CFAP20DC: variants seen among roughly 807,000 people sequenced by gnomAD.
CFAP20DC encodes the protein protein CFAP20DC.
CFAP20DC carries 84 observed loss-of-function variants against 101.7 expected under a neutral mutation model. That is an observed-to-expected ratio of 0.83 (90% CI 0.69 to 0.99). The LOEUF (loss-of-function observed/expected upper bound fraction) is 0.99, where lower values mean the gene tolerates loss of function less well. CFAP20DC is among the 50% of genes least tolerant of loss of function. CFAP20DC has a pLI of 0.00. For missense variants in CFAP20DC, 1,007 were observed against 970.3 expected (o/e 1.04, Z -0.50); for synonymous variants, 359 against 351.2 (o/e 1.02, Z -0.25).
chr3:58,900,921 G>T (rs972553382), intron 6 of CFAP20DC, among the ~76,000 whole-genome samples: 2 of 152,206 alleles, frequency 1.3e-5, no homozygotes, highest in Non-Finnish European at 2.9e-5. Flanking sequence ...TAACACATAT[G>T]TAAAGCACTT....
chr3:58,845,308 C>T (rs1313495046), intron 13 of CFAP20DC, among the ~76,000 whole-genome samples: 1 of 151,514 alleles, frequency 6.6e-6, no homozygotes, highest in Admixed American at 6.6e-5. Flanking sequence ...CAAATAGATG[C>T]AATAAAAAAT....
intron 4 of CFAP20DC, among the ~76,000 whole-genome samples, chr3:58,989,127 A>C (rs568528011): frequency 1.3e-5 from 2 of 152,232 alleles, no homozygotes; most frequent in East Asian, 3.9e-4. Context: ...ATCAATCAAA[A>C]TCCGAAATTT....
chr3:58,940,673 T>C (rs911101249), intron 4 of CFAP20DC, among the ~76,000 whole-genome samples: 1 of 152,256 alleles, frequency 6.6e-6, no homozygotes, highest in Admixed American at 6.5e-5. Flanking sequence ...AATAATACAC[T>C]ATCTTGATTA....
intron 15 of CFAP20DC, among the ~76,000 whole-genome samples, chr3:58,760,318 T>C (rs1265114700): frequency 6.6e-6 from 1 of 152,222 alleles, no homozygotes; most frequent in African/African-American, 2.4e-5. Context: ...AGTTCACTCA[T>C]GATTTTGCTC....
intron 16 of CFAP20DC, among the ~76,000 whole-genome samples, chr3:58,749,531 A>G (rs1465997995): frequency 1.3e-5 from 2 of 152,228 alleles, no homozygotes; most frequent in Admixed American, 1.3e-4. Context: ...CTACCCATTT[A>G]TATCTCATGG....
At chr3:58,802,430 T>C (rs1286104863) in intron 15 of CFAP20DC, among the ~76,000 whole-genome samples, 5 of 152,228 alleles carry the variant, frequency 3.3e-5, no homozygotes, top group Admixed American at 2.0e-4. Context: ...CACCTTGTCA[T>C]AGAGGCTGTC....
chr3:58,941,386 T>G (rs2088562244), intron 4 of CFAP20DC, among the ~76,000 whole-genome samples: 1 of 150,434 alleles, frequency 6.6e-6, no homozygotes, highest in Non-Finnish European at 1.5e-5. Context: ...CATTTGGTTC[T>G]AGTATATAGA....
At chr3:58,807,219 T>C (rs978525690) in intron 14 of CFAP20DC, among the ~76,000 whole-genome samples, 2 of 152,150 alleles carry the variant, frequency 1.3e-5, no homozygotes, top group South Asian at 2.1e-4. Flanking sequence ...GCAGTGGTTC[T>C]CCCAGCACGC....
At chr3:59,032,548 C>T (rs943605497) in intron 4 of CFAP20DC, among the ~76,000 whole-genome samples, 21 of 152,106 alleles carry the variant, frequency 1.4e-4, no homozygotes, top group African/African-American at 4.6e-4. Context: ...CTTGAGTAGG[C>T]GGTTTCCCCT....
intron 6 of CFAP20DC, among the ~76,000 whole-genome samples, chr3:58,896,407 A>G (rs1275446832): frequency 1.3e-5 from 2 of 151,250 alleles, no homozygotes; most frequent in Non-Finnish European, 2.9e-5. Flanking sequence ...GATCTTGGTT[A>G]TTTCTTGTCT....
At chr3:58,826,108 C>T (rs777751195) in intron 14 of CFAP20DC, among the ~76,000 whole-genome samples, 11 of 152,102 alleles carry the variant, frequency 7.2e-5, no homozygotes, top group Non-Finnish European at 1.5e-4. Context: ...CTGAATGGGA[C>T]CGGACTACAT....
intron 4 of CFAP20DC, among the ~76,000 whole-genome samples, chr3:58,980,016 G>A (rs905307152): frequency 1.3e-5 from 2 of 152,100 alleles, no homozygotes; most frequent in African/African-American, 4.8e-5. Flanking sequence ...GTTTGCCTCG[G>A]ACATCACTGA....
rs1559739474 is a variant in CFAP20DC at position 58,870,086 on chromosome 3, C to G, written c.852+87G>C. Reference sequence around the variant, plus strand: ...CTGTCTGTCTGTCTGTCTGTCTTTCCCTCCCTCCCTCCCTCTACAAGGGGA... The same window carrying G: ...CTGTCTGTCTGTCTGTCTGTCTTTCGCTCCCTCCCTCCCTCTACAAGGGGA... On this transcript the variant is annotated intron_variant, in intron 8 of 16. Transcript: ENST00000482387. 5.7e-6 allele frequency: 4 copies of G among 707,660 alleles called. 1 individual carries two copies. The East Asian group carries it at 1.1e-4, about 20-fold the overall frequency. 43.8% of individuals were successfully genotyped at this position (707,660 alleles called of 1,614,324 possible). A position where few individuals can be genotyped will look rare whatever the true frequency, so the allele number is the denominator to read the frequency against.
chr3:58,992,766 T>C (rs2092984028), intron 4 of CFAP20DC, among the ~76,000 whole-genome samples: 2 of 152,126 alleles, frequency 1.3e-5, no homozygotes, highest in Non-Finnish European at 2.9e-5. Flanking sequence ...TGCATGAAAA[T>C]ATAATGCTTA....
chr3:58,968,233 G>A (rs1337484157), intron 4 of CFAP20DC, among the ~76,000 whole-genome samples: 2 of 152,120 alleles, frequency 1.3e-5, no homozygotes, highest in African/African-American at 2.4e-5. Context: ...ACCCAGAAAT[G>A]GGATTGCTGG....
chr3:58,721,936 C>G lies in CFAP20DC; in HGVS notation c.198-4308G>C, dbSNP rs919557315. Among the ~76,000 whole-genome samples the G allele has an allele frequency of 6.6e-6, 1 of 152,240 alleles. No individual in the cohort carries two copies. Among genetic ancestry groups the G allele is most frequent in the Non-Finnish European group, 1.5e-5 (1 of 68,044 alleles). On this transcript the variant is annotated intron_variant, in intron 3 of 3. Coordinates refer to the CFAP20DC transcript ENST00000486145. This position sits in a 1 kb window ranked among gnomAD's most constrained non-coding sequence, Gnocchi z 5.2. ...TGTGATGTGACCTGGCCACAGCTCCCTTGAGCCTGGGCTGGCCTGAACTGT... is the reference window on the plus strand; with the variant it reads ...TGTGATGTGACCTGGCCACAGCTCCGTTGAGCCTGGGCTGGCCTGAACTGT...
chr3:58,878,587 C>A (rs891402845), intron 7 of CFAP20DC, among the ~76,000 whole-genome samples: 3 of 151,982 alleles, frequency 2.0e-5, no homozygotes, highest in Admixed American at 6.6e-5. Flanking sequence ...ATTTACAAGC[C>A]GTGGTAGATA....
chr3:58,804,143 T>C (rs759866089), intron 15 of CFAP20DC, among the ~76,000 whole-genome samples: 6 of 152,166 alleles, frequency 3.9e-5, no homozygotes, highest in Admixed American at 6.5e-5. Flanking sequence ...AAAGTTGGAA[T>C]TGGCCTCAGA....
At chr3:58,753,617 TA>T in intron 16 of CFAP20DC, 151 bp downstream of exon 16, 1 of 605,006 alleles carries the variant, frequency 1.7e-6, no homozygotes, top group Non-Finnish European at 2.9e-6. Context: ...CCCATTATTC[TA>T]AAAAATGAGG....
Sources: gnomAD v4.1 joint callset for allele counts (sites outside exome capture counted in the v4.1 genomes callset) on GRCh38, gnomAD v4.1.1 for gene constraint, Gnocchi (gnomAD v3.1) non-coding constraint, MANE v1.5 for transcripts, NCBI Gene and HGNC (gene_info 2026-07-23, HGNC 2026-07-21) for gene names.